RGS6: variants seen among roughly 807,000 people sequenced by gnomAD.
RGS6 encodes the protein regulator of G-protein signaling 6.
In RGS6, 30 loss-of-function variants were observed where a neutral mutation model predicts 78.5. The ratio of observed to expected loss-of-function variants is 0.38; its 90% CI spans 0.29 to 0.52. The LOEUF is 0.52. RGS6 is among the 20% of genes least tolerant of loss of function. The pLI is 0.85. For synonymous variants in RGS6, 206 were observed against 206.0 expected (o/e 1.00, Z 0.00); for missense variants, 495 against 609.7 (o/e 0.81, Z 1.98).
In RGS6 at chr14:72,406,671, C is replaced by G. The variant is rs548790996; in HGVS notation, c.185-47857C>G. 4.2e-4 allele frequency among the ~76,000 whole-genome samples: 64 copies of G among 152,188 alleles called. 1 individual carries two copies. The highest frequency in any genetic ancestry group is 8.4e-4 in the Non-Finnish European group (57 of 68,034). On this transcript the variant is annotated intron_variant, in intron 3 of 17. Transcript: ENST00000553525. Reference sequence around the variant, plus strand: ...GAGCTGGAGTGCAATTTTGTGTTTTCTTTGTGTTTGGCAATGTCTGTTACT... The same window carrying G: ...GAGCTGGAGTGCAATTTTGTGTTTTGTTTGTGTTTGGCAATGTCTGTTACT...
At chr14:71,883,961 G>A in the RGS6 span, among the ~76,000 whole-genome samples, 1 of 152,148 alleles carries the variant, frequency 6.6e-6, no homozygotes, top group African/African-American at 2.4e-5. Context: ...ATAACTATAA[G>A]TATCCTTAGT....
intron 15 of RGS6, among the ~76,000 whole-genome samples, chr14:72,525,090 A>G (rs1034022415): frequency 2.0e-5 from 3 of 152,236 alleles, no homozygotes; most frequent in Non-Finnish European, 4.4e-5. Context: ...TGCATCACAA[A>G]GGTAATGCTG....
intron 15 of RGS6, among the ~76,000 whole-genome samples, chr14:72,533,811 T>C (rs1233385001): frequency 6.6e-6 from 1 of 152,238 alleles, no homozygotes; most frequent in Non-Finnish European, 1.5e-5. Context: ...AACTTCATAA[T>C]AAAACTTTAA....
the RGS6 span, among the ~76,000 whole-genome samples, chr14:72,581,086 A>G: frequency 6.6e-6 from 1 of 152,188 alleles, no homozygotes; most frequent in Non-Finnish European, 1.5e-5. Flanking sequence ...AAGGGGAATC[A>G]ATAGCAGTCT....
At chr14:71,890,659 C>T in the RGS6 span, among the ~76,000 whole-genome samples, 34 of 152,334 alleles carry the variant, frequency 2.2e-4, no homozygotes, top group African/African-American at 7.7e-4. Context: ...ATTTATTTTT[C>T]AAAATCATTT....
chr14:72,490,513 C>G (rs562165498), intron 12 of RGS6, among the ~76,000 whole-genome samples: 3 of 152,122 alleles, frequency 2.0e-5, no homozygotes, highest in Non-Finnish European at 4.4e-5. Context: ...CTAGTGTGCC[C>G]GTGGTTTCGC....
At chr14:71,868,644 C>T in the RGS6 span, among the ~76,000 whole-genome samples, 2 of 152,090 alleles carry the variant, frequency 1.3e-5, no homozygotes, top group Admixed American at 6.5e-5. Flanking sequence ...GTGTTAAATA[C>T]CTTTAGTGAA....
At chr14:72,250,083 ACTGTTGCGGGGTG>A (rs2055275646) in intron 2 of RGS6, among the ~76,000 whole-genome samples, 1 of 101,522 alleles carries the variant, frequency 9.9e-6, no homozygotes, top group South Asian at 3.5e-4. Context: ...CACTCCGGGG[ACTGTTGCGGGGTG>A]GGGGGAGGGG....
chr14:71,970,670 C>G (rs1328173031), intron 2 of RGS6, among the ~76,000 whole-genome samples: 3 of 152,088 alleles, frequency 2.0e-5, no homozygotes, highest in African/African-American at 7.2e-5. Flanking sequence ...ACTGTCGAAT[C>G]AGGAAATACG....
intron 2 of RGS6, among the ~76,000 whole-genome samples, chr14:72,213,916 A>G (rs1229216300): frequency 6.6e-6 from 1 of 152,132 alleles, no homozygotes; most frequent in Non-Finnish European, 1.5e-5. Context: ...TACTGTGTAC[A>G]TTGAACACGA....
chr14:72,545,620 A>G (rs1266456112), intron 17 of RGS6, among the ~76,000 whole-genome samples: 2 of 152,096 alleles, frequency 1.3e-5, no homozygotes, highest in African/African-American at 2.4e-5. Flanking sequence ...CTTCTTGCCC[A>G]GTTAGTTACC....
At chr14:72,424,468 C>A (rs959455974) in intron 3 of RGS6, among the ~76,000 whole-genome samples, 13 of 151,978 alleles carry the variant, frequency 8.6e-5, no homozygotes, top group Admixed American at 7.9e-4. Context: ...TCTGAGATGC[C>A]GTTCTGTTGC....
chr14:72,449,340 A>T (rs1566875642), intron 3 of RGS6, among the ~76,000 whole-genome samples: 2 of 152,232 alleles, frequency 1.3e-5, no homozygotes, highest in African/African-American at 2.4e-5. Flanking sequence ...GGAATTTTGC[A>T]GGTGATGGGA....
intron 2 of RGS6, among the ~76,000 whole-genome samples, chr14:72,022,859 T>G (rs527420270): frequency 9.3e-4 from 138 of 148,334 alleles, no homozygotes; most frequent in African/African-American, 3.3e-3. Flanking sequence ...TGTAACAACC[T>G]TTGCTGAACA....
intron 2 of RGS6, among the ~76,000 whole-genome samples, chr14:72,231,772 G>A (rs1273907983): frequency 6.6e-6 from 1 of 152,152 alleles, no homozygotes; most frequent in Non-Finnish European, 1.5e-5. Flanking sequence ...GCGTGTTCGA[G>A]AGAAAGAACA....
At chr14:72,054,987 A>G (rs1180225940) in intron 2 of RGS6, among the ~76,000 whole-genome samples, 4 of 152,176 alleles carry the variant, frequency 2.6e-5, no homozygotes, top group African/African-American at 9.7e-5. Context: ...CAGTTTTTCT[A>G]TAAATGTTAG....
intron 2 of RGS6, among the ~76,000 whole-genome samples, chr14:71,987,962 C>G (rs2094792616): frequency 6.6e-6 from 1 of 152,090 alleles, no homozygotes; most frequent in Non-Finnish European, 1.5e-5. Context: ...ATCGCACTTC[C>G]CTTAGCTTGA....
intron 2 of RGS6, among the ~76,000 whole-genome samples, chr14:72,315,972 T>C (rs1405763135): frequency 6.6e-6 from 1 of 152,192 alleles, no homozygotes; most frequent in Non-Finnish European, 1.5e-5. Context: ...TGGCTTGGCT[T>C]GGGGTAGCCC....
chr14:72,587,296 G>A, the RGS6 span, among the ~76,000 whole-genome samples: 1 of 152,012 alleles, frequency 6.6e-6, no homozygotes, highest in Admixed American at 6.6e-5. Flanking sequence ...TGAGAGAACT[G>A]GAAAATGGGA....
Sources: allele counts gnomAD v4.1 joint callset (sites outside exome capture counted in the v4.1 genomes callset), GRCh38; gene constraint gnomAD v4.1.1; transcripts MANE v1.5; gene names NCBI Gene and HGNC (gene_info 2026-07-23, HGNC 2026-07-21).